ASTN2: variants seen among roughly 807,000 people sequenced by gnomAD.
The protein encoded by ASTN2 is astrotactin-2.
A neutral mutation model predicts 139.8 loss-of-function variants in ASTN2; 54 were observed. The ratio of observed to expected loss-of-function variants is 0.39; its 90% CI spans 0.31 to 0.48. The LOEUF is 0.48. Among genes scored for constraint, ASTN2 ranks in the 20% least tolerant of loss-of-function variants. ASTN2 has a pLI of 0.95. For missense variants in ASTN2, 1,565 were observed against 1,725.1 expected, an observed-to-expected ratio of 0.91 and a Z score of 1.64; for synonymous variants, 756 against 719.5, an observed-to-expected ratio of 1.05 and a Z score of -0.81.
At chr9:117,194,725 T>G (rs1430465779) in intron 3 of ASTN2, among the ~76,000 whole-genome samples, 1 of 152,206 alleles carries the variant, frequency 6.6e-6, no homozygotes, top group Non-Finnish European at 1.5e-5. Context: ...TGCTTGGACT[T>G]GGGTATCAGA....
At chr9:116,977,715 C>CTTTTT (rs386416041) in intron 7 of ASTN2, among the ~76,000 whole-genome samples, 4 of 122,190 alleles carry the variant, frequency 3.3e-5, no homozygotes, top group Non-Finnish European at 5.1e-5. Context: ...ATTTCTTTTT[C>CTTTTT]TTTTTTTTTT....
At chr9:117,120,030 A>G (rs866455922) in intron 4 of ASTN2, among the ~76,000 whole-genome samples, 1,177 of 108,804 alleles carry the variant, frequency 0.011, 24 homozygotes, top group African/African-American at 0.034. Context: ...ATATATATAT[A>G]TATATATATA....
At chr9:116,549,857 T>C (rs1852266794) in intron 19 of ASTN2, among the ~76,000 whole-genome samples, 1 of 152,016 alleles carries the variant, frequency 6.6e-6, no homozygotes. Flanking sequence ...ATGGTTCCCC[T>C]CCATGCTTTC....
chr9:117,142,540 A>G (rs1277882135), intron 3 of ASTN2, among the ~76,000 whole-genome samples: 1 of 152,212 alleles, frequency 6.6e-6, no homozygotes, highest in East Asian at 1.9e-4. Context: ...CAAGCCTTCT[A>G]ACACCTTGTC....
intron 2 of ASTN2, among the ~76,000 whole-genome samples, chr9:117,277,727 TG>T (rs1194792382): frequency 6.6e-6 from 1 of 152,226 alleles, no homozygotes; most frequent in Non-Finnish European, 1.5e-5. Context: ...AATATTATGT[TG>T]CTTATGTAGG....
At chr9:116,888,504 T>C (rs1377370224) in intron 10 of ASTN2, among the ~76,000 whole-genome samples, 3 of 152,100 alleles carry the variant, frequency 2.0e-5, no homozygotes, top group Non-Finnish European at 4.4e-5. Flanking sequence ...GTAAGCCTTC[T>C]CCAGAGGTTC....
At chr9:117,045,345 G>T (rs1838702987) in intron 5 of ASTN2, among the ~76,000 whole-genome samples, 1 of 150,738 alleles carries the variant, frequency 6.6e-6, no homozygotes. Flanking sequence ...GAAGGCTGAG[G>T]TCACAGTTCT....
chr9:116,854,652 T>TC (rs34431697), intron 11 of ASTN2, among the ~76,000 whole-genome samples: 24,331 of 112,262 alleles, frequency 0.22, 2,143 homozygotes, highest in East Asian at 0.4. Context: ...TCCTTCTCTC[T>TC]TTTTTTTTTT....
chr9:116,521,771 A>T (rs1045468993), intron 19 of ASTN2, among the ~76,000 whole-genome samples: 86 of 151,948 alleles, frequency 5.7e-4, no homozygotes, highest in East Asian at 7.7e-4. Flanking sequence ...AAGGACTAAT[A>T]TCCAGAATCT....
rs1853614107 is a variant in ASTN2 at position 116,573,682 on chromosome 9, T to G, written c.3355+44642A>C. On this transcript the variant is annotated intron_variant, in intron 19 of 22. Transcript: ENST00000313400. The stretch of plus-strand genomic sequence containing the variant: ...TGTTTTAGTTAATCTCTTTGGATCT[T>G]GTACTAACCTACACAGGTAGGTACT... Among the ~76,000 whole-genome samples the G allele has an allele frequency of 2.6e-5, 4 of 152,350 alleles. No individual in the cohort carries two copies. In the South Asian group the frequency reaches 6.2e-4, roughly 24 times the overall value.
At chr9:116,889,553 A>C (rs1412966046) in intron 10 of ASTN2, among the ~76,000 whole-genome samples, 2 of 151,762 alleles carry the variant, frequency 1.3e-5, no homozygotes, top group Non-Finnish European at 2.9e-5. Context: ...GTGCATCCTC[A>C]GGAATTAGAA....
intron 19 of ASTN2, among the ~76,000 whole-genome samples, chr9:116,586,787 A>T (rs998077119): frequency 2.2e-5 from 3 of 139,084 alleles, no homozygotes. Flanking sequence ...CCTTGAATCC[A>T]AAAATCTAAA....
Position 116,620,381 on chromosome 9 carries a change from G to C in ASTN2, c.3135C>G (p.Asp1045Glu). The C allele has an allele frequency of 6.2e-7, 1 of 1,614,170 alleles. No homozygotes were observed. Among genetic ancestry groups the C allele is most frequent in the Non-Finnish European group, 8.5e-7 (1 of 1,180,024 alleles). ...AGGCGCTGAGGTCACACCTGCACCA[G>C]TCATCGATCACATCCCCTTTCCCTG... ...WCSGKGDVID[D>E]WCRCDLSAFD... Residue 1045 changes from aspartate to glutamate, a missense_variant, in exon 18 of 23, where the codon GAC (aspartate) becomes GAG (glutamate). Coordinates refer to ENST00000313400, the MANE Select transcript of ASTN2 (RefSeq NM_001365068.1).
At chr9:116,444,328 C>A (rs1005822697) in intron 20 of ASTN2, among the ~76,000 whole-genome samples, 7 of 152,144 alleles carry the variant, frequency 4.6e-5, no homozygotes, top group Non-Finnish European at 1.0e-4. Flanking sequence ...TGAAGCAGTG[C>A]CATCTCATAA....
At chr9:116,479,136 CATAGCTGCTAAGGGCCA>C (rs979701941) in intron 20 of ASTN2, among the ~76,000 whole-genome samples, 8 of 152,064 alleles carry the variant, frequency 5.3e-5, no homozygotes, top group Non-Finnish European at 4.4e-5. Flanking sequence ...CCAAAGGCCC[CATAGCTGCTAAGGGCCA>C]GAGACAGGAT....
At chr9:117,012,426 A>T (rs1406662828) in intron 6 of ASTN2, among the ~76,000 whole-genome samples, 2 of 152,218 alleles carry the variant, frequency 1.3e-5, no homozygotes, top group African/African-American at 4.8e-5. Flanking sequence ...GCCAAATTTA[A>T]TGTAACCATT....
intron 16 of ASTN2, among the ~76,000 whole-genome samples, chr9:116,695,504 C>G (rs1450513107): frequency 6.6e-6 from 1 of 152,154 alleles, no homozygotes; most frequent in Non-Finnish European, 1.5e-5. Flanking sequence ...TACATTAACT[C>G]CCCTTCTTCT....
chr9:117,039,961 C>A lies in ASTN2; in HGVS notation c.1281G>T (p.Leu427Phe). The change falls in exon 6 of 23, where the codon TTG (leucine) becomes TTT (phenylalanine). Residue 427 changes from leucine (L) to phenylalanine (F), a missense_variant. Transcript: ENST00000313400. ...QYRSRRRSKG[L>F]LKSPVNKTAL... ...CTGTCTTGTTCACTGGGCTTTTCAG[C>A]AAACCTGGTAACAAGAACATACACA... 1 of 1,609,780 alleles carries A rather than the reference C, an allele frequency of 6.2e-7. No homozygotes were observed. The highest frequency in any genetic ancestry group is 1.1e-5 in the South Asian group (1 of 90,352).
chr9:117,154,906 C>T (rs1294118255), intron 3 of ASTN2, among the ~76,000 whole-genome samples: 1 of 152,008 alleles, frequency 6.6e-6, no homozygotes, highest in Admixed American at 6.6e-5. Context: ...AGTGTTTACT[C>T]TACACCAGGC....
Sources: allele counts gnomAD v4.1 joint callset (sites outside exome capture counted in the v4.1 genomes callset), GRCh38; gene constraint gnomAD v4.1.1; transcripts MANE v1.5; gene names NCBI Gene and HGNC (gene_info 2026-07-23, HGNC 2026-07-21).